NCR3LG1: variants seen among roughly 807,000 people sequenced by gnomAD.
NCR3LG1 encodes the protein natural killer cell cytotoxicity receptor 3 ligand 1, also known as natural cytotoxicity triggering receptor 3 ligand 1.
In NCR3LG1, 35 loss-of-function variants were observed where a neutral mutation model predicts 34.8. The ratio of observed to expected loss-of-function variants is 1.01; its 90% CI spans 0.77 to 1.33. The LOEUF is 1.33. Ranked by LOEUF, NCR3LG1 falls within the 40% of genes most tolerant of loss-of-function variation. The pLI, the probability that NCR3LG1 is intolerant of heterozygous loss-of-function variation, is 0.00. For missense variants in NCR3LG1, 452 were observed against 423.3 expected, an observed-to-expected ratio of 1.07 and a Z score of -0.60; for synonymous variants, 173 against 163.6, an observed-to-expected ratio of 1.06 and a Z score of -0.44.
Position 17,366,470 on chromosome 11 carries a change from G to A in NCR3LG1, c.422-539G>A, listed in dbSNP as rs149572528. ...CCTGCAGTGGAGGTTGGGTGATACA[G>A]GTTTAATCTGGATATGTCATGGCCA... On this transcript the variant is annotated intron_variant, in intron 2 of 4. Coordinates refer to ENST00000338965, the MANE Select transcript of NCR3LG1 (RefSeq NM_001202439.3). 2.0e-5 allele frequency among the ~76,000 whole-genome samples: 3 copies of A among 152,236 alleles called. No individual in the cohort carries two copies. In the East Asian group the frequency reaches 5.8e-4, roughly 29 times the overall value.
Position 17,351,898 on chromosome 11 carries a change from C to G in NCR3LG1, c.-72C>G, listed in dbSNP as rs1041904060. On this transcript the variant is annotated 5_prime_UTR_variant, in exon 1 of 5. Transcript: ENST00000338965. ...AACTCTTTACGCAACAGAGGTCTCCCCCTGCCCTTGGTTTCTACCGGGCCG... is the reference window on the plus strand; with the variant it reads ...AACTCTTTACGCAACAGAGGTCTCCGCCTGCCCTTGGTTTCTACCGGGCCG... 1.2e-5 allele frequency: 15 copies of G among 1,213,124 alleles called. No individual in the cohort carries two copies. In the East Asian group the frequency reaches 2.6e-4, roughly 21 times the overall value. 75.1% of individuals were successfully genotyped at this position (1,213,124 alleles called of 1,614,324 possible). A position where few individuals can be genotyped will look rare whatever the true frequency, so the allele number is the denominator to read the frequency against.
intron 2 of NCR3LG1, among the ~76,000 whole-genome samples, chr11:17,358,032 T>A (rs1404695262): frequency 6.6e-6 from 1 of 152,106 alleles, no homozygotes; most frequent in South Asian, 2.1e-4. Flanking sequence ...ATTAATAGAC[T>A]TTTTTTAAGG....
chr11:17,356,655 T>C lies in NCR3LG1; in HGVS notation c.75T>C (p.Asp25=). The change falls in exon 2 of 5, where the codon GAT becomes GAC. Residue 25 remains aspartate (D), a synonymous_variant. Coordinates refer to ENST00000338965, the MANE Select transcript of NCR3LG1 (RefSeq NM_001202439.3). The part of the protein sequence containing the change: ...ILLWALTTEG[D]LKVEMMAGGT... ...TGTGTCCTCTTATTGCCACAGGTGA[T>C]CTGAAAGTAGAGATGATGGCAGGGG... 1.3e-6 allele frequency: 2 copies of C among 1,529,388 alleles called. No individual in the cohort carries two copies. The highest frequency in any genetic ancestry group is 1.8e-6 in the Non-Finnish European group (2 of 1,142,614). The allele number at this position is 1,529,388 out of a possible 1,614,324, so 94.7% of individuals were successfully genotyped here. A position where few individuals can be genotyped will look rare whatever the true frequency, so the allele number is the denominator to read the frequency against.
intron 1 of NCR3LG1, among the ~76,000 whole-genome samples, chr11:17,356,164 G>A (rs1374618104): frequency 2.2e-5 from 3 of 133,770 alleles, no homozygotes; most frequent in Non-Finnish European, 3.1e-5. Context: ...TTGAGACAGA[G>A]TGTCGCTCTG....
Position 17,351,992 on chromosome 11 carries a change from C to A in NCR3LG1, c.23C>A (p.Ser8Tyr), listed in dbSNP as rs1402151125. Residue 8 changes from serine to tyrosine, a missense_variant, in exon 1 of 5, where the codon TCC (serine) becomes TAC (tyrosine). By Grantham distance (144) the Ser-to-Tyr change is moderately radical. Transcript: ENST00000338965. MTWRAAA[S>Y]TCAALLILLW... ...GCGATGACGTGGAGGGCTGCCGCCT[C>A]CACGTGCGCGGCGCTCCTGATTCTG... 2 of 1,526,666 alleles carry A rather than the reference C, an allele frequency of 1.3e-6. No homozygotes were observed. Among genetic ancestry groups the A allele is most frequent in the Non-Finnish European group, 1.8e-6 (2 of 1,142,508 alleles). The allele number at this position is 1,526,666 out of a possible 1,614,324, so 94.6% of individuals were successfully genotyped here.
At chr11:17,378,674 C>G (rs1437441550), downstream of NCR3LG1, among the ~76,000 whole-genome samples, 5 of 152,084 alleles carry the variant, frequency 3.3e-5, no homozygotes, top group Admixed American at 2.6e-4. Context: ...GGTCTCCACT[C>G]CTGAAGCAGG....
At chr11:17,368,993 CT>C (rs1250792927) in intron 4 of NCR3LG1, 29 bp downstream of exon 4, 2 of 1,436,014 alleles carry the variant, frequency 1.4e-6, no homozygotes, top group African/African-American at 2.9e-5. Context: ...AAGTTCAGCC[CT>C]GTGTCTTGGG....
Position 17,356,726 on chromosome 11 carries a change from A to ATT in NCR3LG1, c.147_148insTT (p.Ile50LeufsTer22). 6.5e-7 allele frequency: 1 copy of ATT among 1,536,446 alleles called. No individual in the cohort carries two copies. The highest frequency in any genetic ancestry group is 8.7e-7 in the Non-Finnish European group (1 of 1,146,974). ...AATGACAATGTCACCATATTCTGCA[A>ATT]TATCTTTTATTCCCAACCCCTCAAC... On this transcript the variant is annotated frameshift_variant, in exon 2 of 5. Transcript: ENST00000338965. LOFTEE classifies it high-confidence loss of function.
At position 17,356,738 on chromosome 11, in the gene NCR3LG1, C is replaced by T; in HGVS notation, c.158C>T (p.Ser53Phe). 1 of 1,536,422 alleles carries T rather than the reference C, an allele frequency of 6.5e-7. No individual in the cohort carries two copies. The highest frequency in any genetic ancestry group is 1.2e-5 in the South Asian group (1 of 84,054). The change falls in exon 2 of 5, where the codon TCC (serine) becomes TTC (phenylalanine). Residue 53 changes from serine to phenylalanine, a missense_variant. By Grantham distance (155) the Ser-to-Phe change is radical (BLOSUM62 -2). Coordinates refer to ENST00000338965, the MANE Select transcript of NCR3LG1 (RefSeq NM_001202439.3). Reference protein sequence around the residue: ...NVTIFCNIFYSQPLNITSMGI... With the variant: ...NVTIFCNIFYFQPLNITSMGI... ...ACCATATTCTGCAATATCTTTTATTCCCAACCCCTCAACATCACGTCTATG... is the reference window on the plus strand; with the variant it reads ...ACCATATTCTGCAATATCTTTTATTTCCAACCCCTCAACATCACGTCTATG...
At chr11:17,356,456 G>T (rs1953206553) in intron 1 of NCR3LG1, among the ~76,000 whole-genome samples, 195 bp from the exon 2 acceptor site, 1 of 151,896 alleles carries the variant, frequency 6.6e-6, no homozygotes. Flanking sequence ...TTCTTGTAAG[G>T]GCACTAATCC....
chr11:17,356,926 G>T lies in NCR3LG1; in HGVS notation c.346G>T (p.Glu116Ter). Reference sequence around the variant, plus strand: ...GCGGCTGCCTGGAATCCAGCTGGAGGAAGCAGGAGAGTACCGATGTGAGGT... The same window carrying T: ...GCGGCTGCCTGGAATCCAGCTGGAGTAAGCAGGAGAGTACCGATGTGAGGT... ...SLRLPGIQLE[E>*]AGEYRCEVVV... The change falls in exon 2 of 5, where the codon GAA becomes TAA. Residue 116 changes from glutamate (E) to a stop codon, truncating the protein, a stop_gained. Transcript: ENST00000338965. LOFTEE classifies it high-confidence loss of function. 1 of 1,536,154 alleles carries T rather than the reference G, an allele frequency of 6.5e-7. No homozygotes were observed. The highest frequency in any genetic ancestry group is 8.7e-7 in the Non-Finnish European group (1 of 1,146,924).
intron 2 of NCR3LG1, among the ~76,000 whole-genome samples, chr11:17,362,718 TTCTTTCTTTCTTTC>T (rs1953288310): frequency 4.3e-5 from 4 of 92,964 alleles, no homozygotes; most frequent in African/African-American, 2.5e-4. Context: ...CTTTCTTTCT[TTCTTTCTTTCTTTC>T]TTTCTTTCTT....
At chr11:17,359,867 A>C (rs1306217515) in intron 2 of NCR3LG1, among the ~76,000 whole-genome samples, 1 of 152,168 alleles carries the variant, frequency 6.6e-6, no homozygotes, top group East Asian at 1.9e-4. Flanking sequence ...TGTTTTAATT[A>C]GCAGTTCCCT....
intron 3 of NCR3LG1, among the ~76,000 whole-genome samples, chr11:17,367,821 CTT>C (rs59039794): frequency 5.0e-5 from 7 of 139,902 alleles, no homozygotes; most frequent in South Asian, 2.3e-4. Context: ...GTAGTCTTGT[CTT>C]TTTTTTTTTT....
intron 2 of NCR3LG1, among the ~76,000 whole-genome samples, chr11:17,357,889 A>G (rs1953229191): frequency 6.6e-6 from 1 of 152,010 alleles, no homozygotes; most frequent in African/African-American, 2.4e-5. Context: ...ACATTTTTGT[A>G]GAGATGGGGC....
intron 2 of NCR3LG1, among the ~76,000 whole-genome samples, chr11:17,362,720 CTTTCTTTCTT>C (rs1354681370): frequency 1.0e-4 from 8 of 77,840 alleles, no homozygotes; most frequent in Admixed American, 9.6e-4. Context: ...TTCTTTCTTT[CTTTCTTTCTT>C]TCTTTCTTTC....
chr11:17,357,019 G>A lies in NCR3LG1; in HGVS notation c.421+18G>A. 1 of 1,457,060 alleles carries A rather than the reference G, an allele frequency of 6.9e-7. No individual in the cohort carries two copies. Among genetic ancestry groups the A allele is most frequent in the Non-Finnish European group, 9.1e-7 (1 of 1,097,502 alleles). 90.3% of individuals were successfully genotyped at this position (1,457,060 alleles called of 1,614,324 possible). Reference sequence around the variant, plus strand: ...AGTTGTGGGTGAGTGTCTCGGGGCAGTGCCCTACAGTTCCCATGGTGTTGG... The same window carrying A: ...AGTTGTGGGTGAGTGTCTCGGGGCAATGCCCTACAGTTCCCATGGTGTTGG... On this transcript the variant is annotated intron_variant, in intron 2 of 4. Coordinates refer to ENST00000338965, the MANE Select transcript of NCR3LG1 (RefSeq NM_001202439.3).
At chr11:17,353,716 A>AGCAGCGCCCAGTGACG (rs1953169901) in intron 1 of NCR3LG1, among the ~76,000 whole-genome samples, 1 of 16,230 alleles carries the variant, frequency 6.2e-5, no homozygotes, top group Non-Finnish European at 1.0e-4. Flanking sequence ...CAGTGACGGC[A>AGCAGCGCCCAGTGACG]GCAGCAGCAG....
intron 1 of NCR3LG1, among the ~76,000 whole-genome samples, chr11:17,354,336 C>T (rs1231568573): frequency 6.6e-6 from 1 of 152,200 alleles, no homozygotes; most frequent in Non-Finnish European, 1.5e-5. Flanking sequence ...ACACTCTGTA[C>T]CTTTAAATGA....
Sources: allele counts gnomAD v4.1 joint callset (sites outside exome capture counted in the v4.1 genomes callset), GRCh38; gene constraint gnomAD v4.1.1; transcripts MANE v1.5; gene names NCBI Gene and HGNC (gene_info 2026-07-23, HGNC 2026-07-21).